HECTD4: variants seen among roughly 807,000 people sequenced by gnomAD.
HECTD4 encodes the protein probable E3 ubiquitin-protein ligase HECTD4.
A neutral mutation model predicts 471.5 loss-of-function variants in HECTD4; 114 were observed. The ratio of observed to expected loss-of-function variants is 0.24; its 90% CI spans 0.21 to 0.28. HECTD4 has a LOEUF of 0.28. Ranked by LOEUF, HECTD4 falls within the 10% of genes least tolerant of loss-of-function variation. The pLI is 1.00. For missense variants in HECTD4, 3,866 were observed against 5,651.5 expected, an observed-to-expected ratio of 0.68 and a Z score of 10.13; for synonymous variants, 2,012 against 2,256.0, an observed-to-expected ratio of 0.89 and a Z score of 3.07.
At chr12:112,178,847 G>C in intron 64 of HECTD4, 84 bp downstream of exon 64, 2 of 1,445,578 alleles carry the variant, frequency 1.4e-6, no homozygotes, top group Admixed American at 2.4e-5. Context: ...CTCCAGAGGA[G>C]CTGCCGCCCC....
At position 112,243,353 on chromosome 12, in the gene HECTD4, C is replaced by A. The variant is rs1316602257; in HGVS notation, c.4958G>T (p.Arg1653Ile). The change falls in exon 32 of 76, where the codon AGA becomes ATA. Residue 1653 changes from arginine (R) to isoleucine (I), a missense_variant and splice_region_variant. Coordinates refer to ENST00000682272, the MANE Select transcript of HECTD4 (RefSeq NM_001388303.1). The surrounding 1 kb of genome is among the most constrained non-coding windows in gnomAD (Gnocchi z 6.6). ...GTATAAACTAACAGAAACAACTAAC[C>A]TGGGTCCTCCCTGAAGGACCATCGT... ...PVTMVLQGGP[R>I]IEELTCGGMV... 1.9e-6 allele frequency: 3 copies of A among 1,610,052 alleles called. No individual in the cohort carries two copies. Among genetic ancestry groups the A allele is most frequent in the African/African-American group, 2.7e-5 (2 of 74,828 alleles).
intron 48 of HECTD4, 66 bp downstream of exon 48, chr12:112,216,226 C>T (rs1268853550): frequency 9.5e-7 from 1 of 1,057,086 alleles, no homozygotes; most frequent in Non-Finnish European, 1.4e-6. Context: ...TCAACTTTAA[C>T]CTGTTTAGAC....
At chr12:112,269,169 G>C (rs532054409) in intron 13 of HECTD4, among the ~76,000 whole-genome samples, 1 of 152,234 alleles carries the variant, frequency 6.6e-6, no homozygotes, top group South Asian at 2.1e-4. Flanking sequence ...CACCGCGCCC[G>C]GCCCTGAAAA....
rs2031966953 is a variant in HECTD4, at chr12:112,188,626, T to C, written c.9472+2160A>G. The stretch of plus-strand genomic sequence containing the variant: ...CAGTTTGCTACATCCAGATGGCTCT[T>C]GTACAGGATAAAAGATTACTGGCCG... On this transcript the variant is annotated intron_variant, in intron 60 of 75. Coordinates refer to ENST00000682272, the MANE Select transcript of HECTD4 (RefSeq NM_001388303.1). This position sits in a 1 kb window ranked among gnomAD's most constrained non-coding sequence, Gnocchi z 4.2. 1.3e-5 allele frequency among the ~76,000 whole-genome samples: 2 copies of C among 152,364 alleles called. No individual in the cohort carries two copies. The highest frequency in any genetic ancestry group is 2.9e-5 in the Non-Finnish European group (2 of 68,032).
chr12:112,179,044 G>T lies in HECTD4; in HGVS notation c.11250C>A (p.Asp3750Glu), dbSNP rs2031568276. ...TCCCGGCCTTGCTGTACTTGCTCTT[G>T]TCAAACTTGGGCTTTGGCACGCCAT... Reference protein sequence around the residue: ...RKYGVPKPKFDKSKYSKAGKE... With the variant: ...RKYGVPKPKFEKSKYSKAGKE... Residue 3750 changes from aspartate to glutamate, a missense_variant, in exon 64 of 76, where the codon GAC (aspartate) becomes GAA (glutamate). Transcript: ENST00000682272. This position sits in a 1 kb window ranked among gnomAD's most constrained non-coding sequence, Gnocchi z 4.3. 2 of 1,613,966 alleles carry T rather than the reference G, an allele frequency of 1.2e-6. No individual in the cohort carries two copies. The highest frequency in any genetic ancestry group is 2.2e-5 in the South Asian group (2 of 91,078).
chr12:112,195,123 C>T lies in HECTD4; in HGVS notation c.8568-57G>A, dbSNP rs768414565. On this transcript the variant is annotated intron_variant, in intron 55 of 75. Transcript: ENST00000682272. ...AGCCCTGATGCTCCGGCCCCCATAC[C>T]GGGACCAGGCCGCAGGTTCTGAAGG... 68 of 1,459,628 alleles carry T rather than the reference C, an allele frequency of 4.7e-5. 1 individual carries two copies. The highest frequency in any genetic ancestry group is 8.1e-5 in the Admixed American group (4 of 49,266). The allele number at this position is 1,459,628 out of a possible 1,614,324, so 90.4% of individuals were successfully genotyped here. A position where few individuals can be genotyped will look rare whatever the true frequency, so the allele number is the denominator to read the frequency against.
rs949383658 is a variant in HECTD4 at position 112,249,917 on chromosome 12, C to G, written c.3950+227G>C. 1.1e-5 allele frequency: 6 copies of G among 546,506 alleles called. No individual in the cohort carries two copies. The East Asian group carries it at 1.3e-4, about 12-fold the overall frequency. 33.9% of individuals were successfully genotyped at this position (546,506 alleles called of 1,614,324 possible). ...GTGCAAAATGGGGTCCAAGAACCAA[C>G]AAGTTCCCAAGTGATGCCAATGCTG... On this transcript the variant is annotated intron_variant, in intron 25 of 75. Coordinates refer to ENST00000682272, the MANE Select transcript of HECTD4 (RefSeq NM_001388303.1).
chr12:112,262,128 T>C (rs2034158038), intron 17 of HECTD4: 1 of 152,176 alleles, frequency 6.6e-6, no homozygotes, highest in Admixed American at 6.5e-5. Context: ...TACAAACTCT[T>C]TGGGGGACAT....
chr12:112,179,501 G>A lies in HECTD4; in HGVS notation c.10988-104C>T, dbSNP rs2031585009. The A allele has an allele frequency of 1.0e-6, 1 of 995,430 alleles. No individual in the cohort carries two copies. The highest frequency in any genetic ancestry group is 1.6e-5 in the African/African-American group (1 of 62,490). 61.7% of individuals were successfully genotyped at this position (995,430 alleles called of 1,614,324 possible). A position where few individuals can be genotyped will look rare whatever the true frequency, so the allele number is the denominator to read the frequency against. On this transcript the variant is annotated intron_variant, in intron 62 of 75. Transcript: ENST00000682272. The surrounding 1 kb of genome is among the most constrained non-coding windows in gnomAD (Gnocchi z 4.3). ...ACACTGTTTGAAAGGGGCAGTGGATGGACATTAGTGGAAGGAAGAGCTGCC... is the reference window on the plus strand; with the variant it reads ...ACACTGTTTGAAAGGGGCAGTGGATAGACATTAGTGGAAGGAAGAGCTGCC...
At chr12:112,207,724 A>G in intron 52 of HECTD4, 150 bp downstream of exon 52, 1 of 880,892 alleles carries the variant, frequency 1.1e-6, no homozygotes. Context: ...TGAAAACAAA[A>G]GATCAGAGTT....
intron 1 of HECTD4, among the ~76,000 whole-genome samples, chr12:112,345,904 A>C (rs915268465): frequency 7.2e-5 from 11 of 152,234 alleles, no homozygotes; most frequent in Admixed American, 2.6e-4. Flanking sequence ...CAAAAACAAA[A>C]TAAAGAAAGA....
intron 45 of HECTD4, among the ~76,000 whole-genome samples, chr12:112,218,297 T>G (rs944104494): frequency 6.6e-6 from 1 of 152,188 alleles, no homozygotes; most frequent in Non-Finnish European, 1.5e-5. Flanking sequence ...TTTTAATATA[T>G]TCACAGAGTT....
intron 13 of HECTD4, among the ~76,000 whole-genome samples, chr12:112,268,868 G>GTTTTTTTTTTTTTT (rs561805261): frequency 1.5e-5 from 1 of 65,808 alleles, no homozygotes; most frequent in Non-Finnish European, 2.6e-5. Context: ...GTCTGAAAAG[G>GTTTTTTTTTTTTTT]TTTTTTTTTT....
chr12:112,266,016 G>T (rs2034262497), intron 14 of HECTD4, 33 bp from the exon 15 acceptor site: 3 of 1,436,134 alleles, frequency 2.1e-6, no homozygotes, highest in Non-Finnish European at 2.9e-6. Context: ...CAACTACCCT[G>T]GTAATGACTC....
intron 1 of HECTD4, among the ~76,000 whole-genome samples, chr12:112,327,862 A>T (rs2035776604): frequency 6.6e-6 from 1 of 152,212 alleles, no homozygotes. Context: ...CAGGATGGTA[A>T]ATGGGAAAGA....
chr12:112,187,801 T>C (rs2031930327), intron 60 of HECTD4, among the ~76,000 whole-genome samples: 1 of 151,234 alleles, frequency 6.6e-6, no homozygotes, highest in South Asian at 2.1e-4. Context: ...TAATTTTTTG[T>C]ATTTTTAGTA....
intron 9 of HECTD4, among the ~76,000 whole-genome samples, chr12:112,275,507 G>T (rs1030667584): frequency 6.6e-6 from 1 of 152,058 alleles, no homozygotes; most frequent in Admixed American, 6.6e-5. Flanking sequence ...CCCTGGGAAA[G>T]TCATTGAACA....
chr12:112,370,082 G>C (rs925738355), intron 1 of HECTD4, among the ~76,000 whole-genome samples: 20 of 152,142 alleles, frequency 1.3e-4, no homozygotes, highest in Middle Eastern at 3.2e-3. Flanking sequence ...GTACTCACAA[G>C]GGTGCTTATA....
chr12:112,222,927 A>T (rs997811770), intron 44 of HECTD4, among the ~76,000 whole-genome samples: 29 of 152,210 alleles, frequency 1.9e-4, no homozygotes, highest in African/African-American at 6.8e-4. Context: ...GTAAGGAATG[A>T]CTTTGGTTAT....
Sources: allele counts gnomAD v4.1 joint callset (sites outside exome capture counted in the v4.1 genomes callset), GRCh38; gene constraint gnomAD v4.1.1; non-coding constraint Gnocchi (gnomAD v3.1); transcripts MANE v1.5; gene names NCBI Gene and HGNC (gene_info 2026-07-23, HGNC 2026-07-21).